Variants in PLCL1 observed in about 807,000 individuals in gnomAD.
The protein encoded by PLCL1 is inactive phospholipase C-like protein 1.
PLCL1 carries 41 observed loss-of-function variants against 84.4 expected under a neutral mutation model. The ratio of observed to expected loss-of-function variants is 0.49; its 90% confidence interval spans 0.38 to 0.63. The LOEUF is 0.63. Ranked by LOEUF, PLCL1 falls within the 30% of genes least tolerant of loss-of-function variation. The pLI is 0.00. For missense variants in PLCL1, 1,206 were observed against 1,367.8 expected (o/e 0.88, Z 1.87); for synonymous variants, 490 against 488.3 (o/e 1.00, Z -0.05).
At chr2:198,035,269 G>A (rs976864734) in intron 1 of PLCL1, among the ~76,000 whole-genome samples, 8 of 152,142 alleles carry the variant, frequency 5.3e-5, no homozygotes, top group African/African-American at 1.9e-4. Context: ...ATGAATTCGT[G>A]GTTTTTATAG....
intron 1 of PLCL1, among the ~76,000 whole-genome samples, chr2:197,862,043 T>C (rs1380386436): frequency 6.6e-6 from 1 of 152,198 alleles, no homozygotes; most frequent in Non-Finnish European, 1.5e-5. Flanking sequence ...ACTTCTAGCA[T>C]TTTCCCCTTT....
intron 1 of PLCL1, among the ~76,000 whole-genome samples, chr2:197,888,622 G>A (rs1160580003): frequency 6.6e-6 from 1 of 152,158 alleles, no homozygotes; most frequent in Non-Finnish European, 1.5e-5. Context: ...CATCATGCAT[G>A]TTAAAGTGCT....
intron 1 of PLCL1, among the ~76,000 whole-genome samples, chr2:197,831,958 G>A (rs1239115956): frequency 6.6e-6 from 1 of 152,132 alleles, no homozygotes; most frequent in Non-Finnish European, 1.5e-5. Flanking sequence ...TGAAACCAAT[G>A]AGAACAAAGA....
intron 1 of PLCL1, among the ~76,000 whole-genome samples, chr2:197,959,770 C>T (rs915892467): frequency 3.9e-5 from 6 of 152,078 alleles, no homozygotes; most frequent in African/African-American, 1.2e-4. Context: ...AAGTGATGAT[C>T]TGGCAACACT....
chr2:198,043,510 G>T (rs796564337), intron 1 of PLCL1, among the ~76,000 whole-genome samples: 2 of 152,168 alleles, frequency 1.3e-5, no homozygotes, highest in Admixed American at 6.5e-5. Context: ...TGCCATCAAC[G>T]TGGCAAGGAT....
chr2:198,033,373 C>T (rs1157760628), intron 1 of PLCL1, among the ~76,000 whole-genome samples: 2 of 152,202 alleles, frequency 1.3e-5, no homozygotes, highest in Non-Finnish European at 2.9e-5. Flanking sequence ...TGCCCCCTCA[C>T]TGGAGGGAAC....
At chr2:197,935,010 C>T (rs1015745515) in intron 1 of PLCL1, among the ~76,000 whole-genome samples, 18 of 152,178 alleles carry the variant, frequency 1.2e-4, no homozygotes, top group Middle Eastern at 6.8e-3. Flanking sequence ...GACATACACT[C>T]GGCCAACTAG....
chr2:198,109,114 A>C (rs999656585), intron 5 of PLCL1, among the ~76,000 whole-genome samples: 25 of 152,020 alleles, frequency 1.6e-4, no homozygotes, highest in Non-Finnish European at 2.4e-4. Context: ...GTAATTTATA[A>C]ACAACAGAAA....
chr2:198,103,081 C>G (rs11883868), intron 4 of PLCL1, among the ~76,000 whole-genome samples: 3 of 151,908 alleles, frequency 2.0e-5, no homozygotes, highest in African/African-American at 7.3e-5. Flanking sequence ...TTACTGATTA[C>G]TCATTGTTAT....
At chr2:198,029,402 G>A (rs1691352654) in intron 1 of PLCL1, among the ~76,000 whole-genome samples, 1 of 152,144 alleles carries the variant, frequency 6.6e-6, no homozygotes, top group Non-Finnish European at 1.5e-5. Flanking sequence ...GCTCACTTGT[G>A]AGACATTATA....
chr2:198,126,350 CA>C (rs35772757), intron 5 of PLCL1, among the ~76,000 whole-genome samples: 1 of 152,026 alleles, frequency 6.6e-6, no homozygotes, highest in Non-Finnish European at 1.5e-5. Context: ...GCCTGTCCTA[CA>C]AAAAAAGCCC....
chr2:198,074,462 A>G (rs1460400794), intron 1 of PLCL1, among the ~76,000 whole-genome samples: 2 of 152,144 alleles, frequency 1.3e-5, no homozygotes, highest in Non-Finnish European at 2.9e-5. Flanking sequence ...ATATATTTGG[A>G]CTCCAAAGTG....
intron 1 of PLCL1, among the ~76,000 whole-genome samples, chr2:197,816,190 CT>C (rs1453821130): frequency 2.6e-5 from 4 of 152,212 alleles, no homozygotes; most frequent in Non-Finnish European, 5.9e-5. Flanking sequence ...AACCACCACC[CT>C]GATCAGTCAC....
intron 1 of PLCL1, among the ~76,000 whole-genome samples, chr2:198,037,523 T>A (rs1691575775): frequency 6.6e-6 from 1 of 152,234 alleles, no homozygotes; most frequent in South Asian, 2.1e-4. Flanking sequence ...GGAAAGGCTT[T>A]AGAAAACATT....
At chr2:198,143,327 G>A (rs907757321) in intron 5 of PLCL1, among the ~76,000 whole-genome samples, 1 of 152,164 alleles carries the variant, frequency 6.6e-6, no homozygotes, top group Non-Finnish European at 1.5e-5. Context: ...TGTGACAGGA[G>A]TGGGAGCTCA....
intron 1 of PLCL1, among the ~76,000 whole-genome samples, chr2:198,079,075 TAG>T (rs1692648704): frequency 6.6e-6 from 1 of 151,994 alleles, no homozygotes; most frequent in East Asian, 1.9e-4. Context: ...ATTGAATAAG[TAG>T]AGTTTTCTGG....
chr2:197,945,147 A>G lies in PLCL1; in HGVS notation c.241-138611A>G, dbSNP rs1158784668. Among the ~76,000 whole-genome samples the G allele has an allele frequency of 2.0e-5, 3 of 152,322 alleles. No homozygotes were observed. In the East Asian group the frequency reaches 5.8e-4, roughly 29 times the overall value. On this transcript the variant is annotated intron_variant, in intron 1 of 5. Transcript: ENST00000428675. ...GGGAAGTACTTTTTGACCTTGCTAT[A>G]TAGACCAAATTAGTCACGGCAGCTT...
Position 197,992,532 on chromosome 2 carries a change from G to A in PLCL1, c.241-91226G>A, listed in dbSNP as rs138606640. On this transcript the variant is annotated intron_variant, in intron 1 of 5. Coordinates refer to ENST00000428675, the MANE Select transcript of PLCL1 (RefSeq NM_006226.4). ...CCCCTCCTCAGCCTCCCAAAGTGTCGAAATTACATGCATGAGCCACCATGC... is the reference window on the plus strand; with the variant it reads ...CCCCTCCTCAGCCTCCCAAAGTGTCAAAATTACATGCATGAGCCACCATGC... 5.2e-3 allele frequency among the ~76,000 whole-genome samples: 788 copies of A among 152,154 alleles called. 8 individuals carry two copies. Among genetic ancestry groups the A allele is most frequent in the African/African-American group, 0.018 (745 of 41,476 alleles).
intron 5 of PLCL1, among the ~76,000 whole-genome samples, chr2:198,121,473 T>C (rs890981162): frequency 3.3e-5 from 5 of 152,060 alleles, no homozygotes; most frequent in Non-Finnish European, 7.4e-5. Context: ...CATTTTGATT[T>C]GATTTTTGTA....
Sources: gnomAD v4.1 joint callset for allele counts (sites outside exome capture counted in the v4.1 genomes callset) on GRCh38, gnomAD v4.1.1 for gene constraint, MANE v1.5 for transcripts, NCBI Gene and HGNC (gene_info 2026-07-23, HGNC 2026-07-21) for gene names.